IMMP2L: variants seen among roughly 807,000 people sequenced by gnomAD.
IMMP2L encodes inner mitochondrial membrane peptidase subunit 2, also known as mitochondrial inner membrane protease subunit 2.
A neutral mutation model predicts 19.3 loss-of-function variants in IMMP2L; 18 were observed. That is an observed-to-expected ratio of 0.93 (90% CI 0.64 to 1.38). The LOEUF (loss-of-function observed/expected upper bound fraction) is 1.38, where lower values mean the gene tolerates loss of function less well. Ranked by LOEUF, IMMP2L falls within the 40% of genes most tolerant of loss-of-function variation. The pLI is 0.00. For missense variants in IMMP2L, 233 were observed against 218.2 expected, an observed-to-expected ratio of 1.07 and a Z score of -0.43; for synonymous variants, 76 against 73.0, an observed-to-expected ratio of 1.04 and a Z score of -0.21.
chr7:110,683,111 T>A (rs1230746333), intron 5 of IMMP2L, among the ~76,000 whole-genome samples: 1 of 151,898 alleles, frequency 6.6e-6, no homozygotes, highest in Admixed American at 6.6e-5. Flanking sequence ...GCTATTTGGG[T>A]TTTTTTATTG....
At chr7:110,804,354 T>C (rs1172840308) in intron 5 of IMMP2L, among the ~76,000 whole-genome samples, 2 of 152,100 alleles carry the variant, frequency 1.3e-5, no homozygotes, top group Non-Finnish European at 2.9e-5. Context: ...TGTACTTTTG[T>C]ACTTTTGGCT....
At chr7:111,554,680 T>C (rs1358236344) in intron 1 of IMMP2L, among the ~76,000 whole-genome samples, 1 of 152,040 alleles carries the variant, frequency 6.6e-6, no homozygotes, top group African/African-American at 2.4e-5. Flanking sequence ...TGGAGTGCAG[T>C]ACCACATTCT....
chr7:110,997,588 T>C (rs967944456), intron 3 of IMMP2L, among the ~76,000 whole-genome samples: 1 of 152,170 alleles, frequency 6.6e-6, no homozygotes, highest in Admixed American at 6.6e-5. Context: ...TCATTGTTTT[T>C]AATTTGCATT....
chr7:111,366,372 G>A lies in IMMP2L; in HGVS notation c.239+120866C>T, dbSNP rs78140461. On this transcript the variant is annotated intron_variant, in intron 3 of 5. Coordinates refer to ENST00000405709, the MANE Select transcript of IMMP2L (RefSeq NM_032549.4). ...AAAAAAAAAAAGAAAGAGCAAGGGC[G>A]CTGTATTCTTCAAATATATCAGTGT... Among the ~76,000 whole-genome samples, 1,186 of 150,926 alleles carry A rather than the reference G, an allele frequency of 7.9e-3. 14 individuals are homozygous for A. The highest frequency in any genetic ancestry group is 0.042 in the East Asian group (219 of 5,156).
intron 3 of IMMP2L, among the ~76,000 whole-genome samples, chr7:111,316,845 C>CTTTTTTTT (rs869155077): frequency 2.9e-4 from 22 of 75,904 alleles, no homozygotes; most frequent in African/African-American, 3.4e-4. Context: ...TTTTTTTTTT[C>CTTTTTTTT]TTTTTTTTTT....
intron 5 of IMMP2L, among the ~76,000 whole-genome samples, chr7:110,681,706 A>C (rs923496544): frequency 6.6e-6 from 1 of 152,210 alleles, no homozygotes; most frequent in Non-Finnish European, 1.5e-5. Flanking sequence ...TGTGAGACAC[A>C]GAATCAGGCC....
At chr7:110,842,430 T>G (rs1450689842) in intron 5 of IMMP2L, among the ~76,000 whole-genome samples, 1 of 152,118 alleles carries the variant, frequency 6.6e-6, no homozygotes, top group Non-Finnish European at 1.5e-5. Context: ...AGAGGCAGAT[T>G]GCACCGTGGA....
intron 3 of IMMP2L, among the ~76,000 whole-genome samples, chr7:111,216,409 T>G (rs1003260546): frequency 6.6e-6 from 1 of 152,200 alleles, no homozygotes; most frequent in Admixed American, 6.5e-5. Context: ...TATCACAAAT[T>G]GTCAATTTAT....
intron 3 of IMMP2L, among the ~76,000 whole-genome samples, chr7:111,102,018 G>C (rs950016678): frequency 2.0e-5 from 3 of 151,080 alleles, no homozygotes; most frequent in African/African-American, 4.9e-5. Flanking sequence ...ACTCAAATGA[G>C]GGCCATGCAG....
At chr7:111,382,186 AG>A (rs1831263505) in intron 3 of IMMP2L, among the ~76,000 whole-genome samples, 1 of 152,020 alleles carries the variant, frequency 6.6e-6, no homozygotes, top group African/African-American at 2.4e-5. Context: ...GAGGACAGAC[AG>A]CAAGTTCACT....
chr7:111,198,502 G>C (rs1809742976), intron 3 of IMMP2L, among the ~76,000 whole-genome samples: 1 of 152,116 alleles, frequency 6.6e-6, no homozygotes, highest in Non-Finnish European at 1.5e-5. Context: ...GGTCACTCTG[G>C]TTAACCACAG....
At chr7:110,686,933 GA>G (rs1399548941) in intron 5 of IMMP2L, among the ~76,000 whole-genome samples, 1 of 151,956 alleles carries the variant, frequency 6.6e-6, no homozygotes, top group African/African-American at 2.4e-5. Context: ...CTAATATAAA[GA>G]AAAGACGCAT....
At chr7:111,435,477 G>A (rs1837065604) in intron 3 of IMMP2L, among the ~76,000 whole-genome samples, 1 of 151,760 alleles carries the variant, frequency 6.6e-6, no homozygotes, top group South Asian at 2.1e-4. Flanking sequence ...TAAACAATGA[G>A]TACACATGGA....
chr7:111,320,194 A>G (rs1824536621), intron 3 of IMMP2L, among the ~76,000 whole-genome samples: 1 of 152,002 alleles, frequency 6.6e-6, no homozygotes, highest in South Asian at 2.1e-4. Context: ...TCCTACCAAG[A>G]CAGAAGCTAA....
Position 110,803,789 on chromosome 7 carries a change from A to G in IMMP2L, c.408+82804T>C, listed in dbSNP as rs891419674. On this transcript the variant is annotated intron_variant, in intron 5 of 5. Transcript: ENST00000405709. This position sits in a 1 kb window ranked among gnomAD's most constrained non-coding sequence, Gnocchi z 4.2. ...GAACACCTGGGGAGTCAGAGTTACC[A>G]GTAGTTTTCAAAGTATGGTCCTGGA... Among the ~76,000 whole-genome samples, 2 of 152,048 alleles carry G rather than the reference A, an allele frequency of 1.3e-5. No homozygotes were observed. The highest frequency in any genetic ancestry group is 2.9e-5 in the Non-Finnish European group (2 of 67,974).
At chr7:111,417,904 A>G (rs1835105746) in intron 3 of IMMP2L, among the ~76,000 whole-genome samples, 1 of 151,874 alleles carries the variant, frequency 6.6e-6, no homozygotes, top group Admixed American at 6.6e-5. Flanking sequence ...CAGCTGTTCT[A>G]TAAATACTAT....
At chr7:111,060,052 CAG>C (rs1372102907) in intron 3 of IMMP2L, among the ~76,000 whole-genome samples, 1 of 152,106 alleles carries the variant, frequency 6.6e-6, no homozygotes, top group Non-Finnish European at 1.5e-5. Context: ...GTCTAGAAAA[CAG>C]AGTGTGCAAT....
intron 3 of IMMP2L, among the ~76,000 whole-genome samples, chr7:110,963,988 TTCCCTCATGTTGTTC>T (rs553707142): frequency 1.7e-4 from 3 of 17,390 alleles, no homozygotes; most frequent in Admixed American, 9.7e-4. Flanking sequence ...TGGGGTTGGA[TTCCCTCATGTTGTTC>T]TCCCTCATGT....
intron 4 of IMMP2L, among the ~76,000 whole-genome samples, chr7:110,916,785 C>G (rs1813660948): frequency 6.6e-6 from 1 of 152,110 alleles, no homozygotes; most frequent in Non-Finnish European, 1.5e-5. Flanking sequence ...TAAGGCTGAT[C>G]TAAAACAAAA....
Sources: allele counts gnomAD v4.1 joint callset (sites outside exome capture counted in the v4.1 genomes callset), GRCh38; gene constraint gnomAD v4.1.1; non-coding constraint Gnocchi (gnomAD v3.1); transcripts MANE v1.5; gene names NCBI Gene and HGNC (gene_info 2026-07-23, HGNC 2026-07-21).